Variants in MRPS18B observed in about 807,000 individuals in gnomAD.
MRPS18B encodes the protein small ribosomal subunit protein mS40.
A neutral mutation model predicts 28.4 loss-of-function variants in MRPS18B; 27 were observed. That is an observed-to-expected ratio of 0.95 (90% CI 0.70 to 1.31). The LOEUF (loss-of-function observed/expected upper bound fraction) is 1.31. MRPS18B is among the 40% of genes most tolerant of loss of function. The pLI is 0.00. For synonymous variants in MRPS18B, 118 were observed against 123.7 expected (o/e 0.95, Z 0.30); for missense variants, 343 against 335.9 (o/e 1.02, Z -0.17).
chr6:30,622,524 T>G (rs1413539464), intron 4 of MRPS18B, among the ~76,000 whole-genome samples: 2 of 132,212 alleles, frequency 1.5e-5, no homozygotes, highest in Non-Finnish European at 3.0e-5. Context: ...ATCGCGCCAC[T>G]GCACTCCAGC....
rs1310901759 is a variant in MRPS18B at position 30,625,865 on chromosome 6, C to T, written c.*68C>T. ...CCTGTAATCCCAGCACTTTGGGAAG[C>T]CAAGGTGGGCTGATCACTTGATCCC... On this transcript the variant is annotated 3_prime_UTR_variant, in exon 7 of 7. Coordinates refer to ENST00000259873, the MANE Select transcript of MRPS18B (RefSeq NM_014046.4). 7.4e-6 allele frequency: 11 copies of T among 1,483,368 alleles called. No individual in the cohort carries two copies. In the African/African-American group the frequency reaches 8.4e-5, roughly 11 times the overall value. 91.9% of individuals were successfully genotyped at this position (1,483,368 alleles called of 1,614,324 possible). A position where few individuals can be genotyped will look rare whatever the true frequency, so the allele number is the denominator to read the frequency against.
rs765597028 is a variant in MRPS18B, at chr6:30,619,484, C to T, written c.79-9C>T. ...ACTCATTCTTTTATTTTTTTCTTCT[C>T]CTTTGTAGGTTCCCCTCCAGACTCT... On this transcript the variant is annotated splice_polypyrimidine_tract_variant and intron_variant, in intron 1 of 6. Coordinates refer to ENST00000259873, the MANE Select transcript of MRPS18B (RefSeq NM_014046.4). 4.1e-5 allele frequency: 65 copies of T among 1,604,748 alleles called. No homozygotes were observed. Among genetic ancestry groups the T allele is most frequent in the African/African-American group, 1.3e-5 (1 of 74,516 alleles).
Position 30,625,822 on chromosome 6 carries a change from C to T in MRPS18B, c.*25C>T, listed in dbSNP as rs756535909. The T allele has an allele frequency of 9.5e-6, 15 of 1,584,170 alleles. No homozygotes were observed. The highest frequency in any genetic ancestry group is 3.4e-5 in the Admixed American group (2 of 58,280). On this transcript the variant is annotated 3_prime_UTR_variant, in exon 7 of 7. Transcript: ENST00000259873. ...GGAGCTGTAGACTGGGAAGAGAGGC[C>T]AGGCGTGGTGGCTCACTCCTGTAAT...
At position 30,617,933 on chromosome 6, in the gene MRPS18B, A is replaced by G. The variant is rs1244770713; in HGVS notation, c.68A>G (p.His23Arg). Residue 23 changes from histidine to arginine, a missense_variant, in exon 1 of 7, where the codon CAC (histidine) becomes CGC (arginine). By Grantham distance (29) the His-to-Arg change is conservative. Coordinates refer to ENST00000259873, the MANE Select transcript of MRPS18B (RefSeq NM_014046.4). The part of the protein sequence containing the change: ...LPMLSLFRGS[H>R]RVQVPLQTLC... ...ATGCTATCTCTCTTCCGAGGTTCTCACAGAGTTCAGGTAACTCTTCGAAAG... is the reference window on the plus strand; with the variant it reads ...ATGCTATCTCTCTTCCGAGGTTCTCGCAGAGTTCAGGTAACTCTTCGAAAG... 1 of 1,614,094 alleles carries G rather than the reference A, an allele frequency of 6.2e-7. No individual in the cohort carries two copies.
Position 30,619,905 on chromosome 6 carries a change from T to C in MRPS18B, c.286-16T>C. The C allele has an allele frequency of 6.2e-7, 1 of 1,614,078 alleles. No homozygotes were observed. Among genetic ancestry groups the C allele is most frequent in the South Asian group, 1.1e-5 (1 of 91,078 alleles). On this transcript the variant is annotated splice_polypyrimidine_tract_variant and intron_variant, in intron 3 of 6. Transcript: ENST00000259873. ...TGTTTGAACATCCTTAACTGCTGTT[T>C]TTTTTCTCTCTACAGCGTCGGAATA...
chr6:30,620,679 C>T (rs1761102620), intron 4 of MRPS18B, among the ~76,000 whole-genome samples: 1 of 152,034 alleles, frequency 6.6e-6, no homozygotes, highest in East Asian at 1.9e-4. Context: ...AAGCGATTCT[C>T]CCGCCTCAGC....
At chr6:30,621,108 T>G (rs1314994269) in intron 4 of MRPS18B, among the ~76,000 whole-genome samples, 1 of 152,192 alleles carries the variant, frequency 6.6e-6, no homozygotes, top group African/African-American at 2.4e-5. Flanking sequence ...TTAAAGAATT[T>G]GAAAACATAT....
chr6:30,619,909 T>C lies in MRPS18B; in HGVS notation c.286-12T>C. The C allele has an allele frequency of 6.2e-7, 1 of 1,614,148 alleles. No individual in the cohort carries two copies. The highest frequency in any genetic ancestry group is 8.5e-7 in the Non-Finnish European group (1 of 1,179,952). Reference sequence around the variant, plus strand: ...TGAACATCCTTAACTGCTGTTTTTTTTCTCTCTACAGCGTCGGAATAAAGT... The same window carrying C: ...TGAACATCCTTAACTGCTGTTTTTTCTCTCTCTACAGCGTCGGAATAAAGT... On this transcript the variant is annotated splice_polypyrimidine_tract_variant and intron_variant, in intron 3 of 6. Transcript: ENST00000259873.
chr6:30,620,237 A>G, intron 4 of MRPS18B: 1 of 467,372 alleles, frequency 2.1e-6, no homozygotes. Context: ...GAATGGCGTG[A>G]ACCCGGGAGG....
chr6:30,625,806 G>C lies in MRPS18B; in HGVS notation c.*9G>C, dbSNP rs1392874952. The C allele has an allele frequency of 8.8e-6, 14 of 1,596,360 alleles. No individual in the cohort carries two copies. The highest frequency in any genetic ancestry group is 1.2e-5 in the Non-Finnish European group (14 of 1,167,202). On this transcript the variant is annotated 3_prime_UTR_variant, in exon 7 of 7. Coordinates refer to ENST00000259873, the MANE Select transcript of MRPS18B (RefSeq NM_014046.4). ...CTCAGAGTGCTCTGTAGGAGCTGTA[G>C]ACTGGGAAGAGAGGCCAGGCGTGGT...
rs554297101 is a variant in MRPS18B at position 30,622,561 on chromosome 6, C to CAA, written c.355-246_355-245dup. Among the ~76,000 whole-genome samples the CAA allele has an allele frequency of 8.1e-3, 231 of 28,532 alleles. 14 individuals are homozygous for CAA. The highest frequency in any genetic ancestry group is 0.018 in the African/African-American group (193 of 10,554). 18.7% of individuals were successfully genotyped at this position (28,532 alleles called of 152,430 possible). On this transcript the variant is annotated intron_variant, in intron 4 of 6. Coordinates refer to ENST00000259873, the MANE Select transcript of MRPS18B (RefSeq NM_014046.4). ...TGGGCAACACAGGGAGACTCTGTCT[C>CAA]AAAAAAAAAAAAAAAAAAAAAAAAA...
intron 1 of MRPS18B, chr6:30,618,538 C>T (rs1285845154): frequency 6.5e-6 from 1 of 152,902 alleles, no homozygotes; most frequent in African/African-American, 2.4e-5. Flanking sequence ...TGAGGTTTCC[C>T]TCCAGTCTTG....
intron 5 of MRPS18B, among the ~76,000 whole-genome samples, chr6:30,624,093 G>A (rs762771382): frequency 1.9e-4 from 29 of 149,274 alleles, no homozygotes; most frequent in Non-Finnish European, 4.0e-4. Context: ...TTTTTTGGGG[G>A]GGTGTGGGTG....
intron 1 of MRPS18B, 45 bp from the exon 2 acceptor site, chr6:30,619,448 C>G (rs1044399955): frequency 1.3e-6 from 2 of 1,507,804 alleles, no homozygotes; most frequent in African/African-American, 2.8e-5. Context: ...ACAATTTAGT[C>G]CTTTCCTTAA....
Position 30,619,931 on chromosome 6 carries a change from A to C in MRPS18B, c.296A>C (p.Lys99Thr). ...RTRKTCIRRN[K>T]VVGNPCPICR... ...TTTTTCTCTCTACAGCGTCGGAATAAAGTTGTTGGGAATCCCTGCCCCATC... is the reference window on the plus strand; with the variant it reads ...TTTTTCTCTCTACAGCGTCGGAATACAGTTGTTGGGAATCCCTGCCCCATC... The change falls in exon 4 of 7, where the codon AAA becomes ACA. Residue 99 changes from lysine to threonine, a missense_variant. Lys to Thr is a moderately conservative substitution (Grantham distance 78, BLOSUM62 -1). Coordinates refer to ENST00000259873, the MANE Select transcript of MRPS18B (RefSeq NM_014046.4). 1 of 1,614,170 alleles carries C rather than the reference A, an allele frequency of 6.2e-7. No homozygotes were observed. Among genetic ancestry groups the C allele is most frequent in the Non-Finnish European group, 8.5e-7 (1 of 1,180,022 alleles).
chr6:30,618,176 A>G (rs969327238), intron 1 of MRPS18B, among the ~76,000 whole-genome samples: 17 of 151,958 alleles, frequency 1.1e-4, no homozygotes, highest in African/African-American at 3.9e-4. Context: ...TCAGTAAAAT[A>G]ACTTAAGTGA....
intron 5 of MRPS18B, 86 bp from the exon 6 acceptor site, chr6:30,624,797 C>T: frequency 1.4e-6 from 2 of 1,481,434 alleles, no homozygotes; most frequent in African/African-American, 1.4e-5. Flanking sequence ...CAATCCTTCC[C>T]AATCTACCCC....
intron 5 of MRPS18B, among the ~76,000 whole-genome samples, chr6:30,624,021 A>G (rs553923529): frequency 2.0e-5 from 3 of 151,884 alleles, no homozygotes; most frequent in African/African-American, 7.2e-5. Context: ...TTGGCCTTCC[A>G]AAGTGCTGGG....
rs1387386863 is a variant in MRPS18B at position 30,625,650 on chromosome 6, G to C, written c.630G>C (p.Glu210Asp). 5 of 1,613,074 alleles carry C rather than the reference G, an allele frequency of 3.1e-6. No individual in the cohort carries two copies. ...YPWYNWKQPPERELSRLRRLY... is the reference protein window; with the variant it reads ...YPWYNWKQPPDRELSRLRRLY... The stretch of plus-strand genomic sequence containing the variant: ...GGTACAACTGGAAACAGCCACCGGA[G>C]AGAGAACTGTCTCGCCTTCGCCGGC... Residue 210 changes from glutamate to aspartate, a missense_variant, in exon 7 of 7, where the codon GAG (glutamate) becomes GAC (aspartate). Physicochemically the swap from Glu to Asp is conservative, Grantham distance 45. Transcript: ENST00000259873.
Sources: allele counts gnomAD v4.1 joint callset (sites outside exome capture counted in the v4.1 genomes callset), GRCh38; gene constraint gnomAD v4.1.1; transcripts MANE v1.5; gene names NCBI Gene and HGNC (gene_info 2026-07-23, HGNC 2026-07-21).